KCNH1: variants seen among roughly 807,000 people sequenced by gnomAD.
The protein encoded by KCNH1 is potassium voltage-gated channel subfamily H member 1, also known as voltage-gated delayed rectifier potassium channel KCNH1.
KCNH1 carries 27 observed loss-of-function variants against 69.2 expected under a neutral mutation model. The observed-to-expected ratio is 0.39, with a 90% CI of 0.29 to 0.54. The LOEUF (loss-of-function observed/expected upper bound fraction) is 0.54, where lower values mean the gene tolerates loss of function less well. Among genes scored for constraint, KCNH1 ranks in the 20% least tolerant of loss-of-function variants. The probability of loss-of-function intolerance (pLI) is 0.68; values close to 1 mark genes in which losing one functional copy is unlikely to be tolerated. For missense variants in KCNH1, 798 were observed against 1,261.6 expected, an observed-to-expected ratio of 0.63 and a Z score of 5.57; for synonymous variants, 456 against 487.7, an observed-to-expected ratio of 0.93 and a Z score of 0.86.
intron 5 of KCNH1, among the ~76,000 whole-genome samples, chr1:211,073,389 A>G (rs144360498): frequency 6.6e-6 from 1 of 152,334 alleles, no homozygotes; most frequent in African/African-American, 2.4e-5. Context: ...ATGAACATGT[A>G]GAGACTACTT....
intron 7 of KCNH1, among the ~76,000 whole-genome samples, chr1:210,830,147 C>T (rs1408422310): frequency 6.6e-6 from 1 of 152,096 alleles, no homozygotes; most frequent in Admixed American, 6.6e-5. Flanking sequence ...TTCCCTTAAC[C>T]ATCTCAAGCT....
intron 7 of KCNH1, chr1:210,860,751 G>A: frequency 1.3e-6 from 1 of 791,672 alleles, no homozygotes; most frequent in East Asian, 2.4e-5. Flanking sequence ...TCACAGGCAT[G>A]TCTCTGTCAT....
intron 5 of KCNH1, among the ~76,000 whole-genome samples, chr1:211,038,089 A>G (rs936858694): frequency 3.6e-4 from 55 of 151,114 alleles, no homozygotes; most frequent in Non-Finnish European, 2.1e-4. Context: ...CCTCCCGAGT[A>G]GCTGGGGCTA....
rs147959154 is a variant in KCNH1, at chr1:211,052,959, C to T, written c.558+29821G>A. ...TGGCTGAAAGCTGTACTCTCAGGCA[C>T]GTAAGGAAAGCATCCTCTAGATTTA... On this transcript the variant is annotated intron_variant, in intron 5 of 10. Coordinates refer to ENST00000271751, the MANE Select transcript of KCNH1 (RefSeq NM_172362.3). Among the ~76,000 whole-genome samples the T allele has an allele frequency of 1.6e-3, 240 of 152,276 alleles. 1 individual carries two copies. Among genetic ancestry groups the T allele is most frequent in the African/African-American group, 4.2e-3 (174 of 41,558 alleles).
At chr1:210,878,361 C>T (rs1233667309) in intron 7 of KCNH1, among the ~76,000 whole-genome samples, 2 of 151,956 alleles carry the variant, frequency 1.3e-5, no homozygotes, top group Non-Finnish European at 2.9e-5. Flanking sequence ...CTCAAGCTCA[C>T]ATGGAACATT....
At chr1:210,916,182 G>T (rs1875437) in intron 7 of KCNH1, among the ~76,000 whole-genome samples, 1 of 152,048 alleles carries the variant, frequency 6.6e-6, no homozygotes, top group African/African-American at 2.4e-5. Flanking sequence ...GGGCAAAAAA[G>T]GGTAAAAGAG....
At chr1:211,099,305 G>GTT (rs900204868) in intron 3 of KCNH1, among the ~76,000 whole-genome samples, 1 of 150,560 alleles carries the variant, frequency 6.6e-6, no homozygotes, top group Admixed American at 6.6e-5. Context: ...TCTGTTGGGT[G>GTT]TTTTTTTTTC....
At chr1:210,990,075 C>T (rs1688910469) in intron 6 of KCNH1, among the ~76,000 whole-genome samples, 2 of 152,310 alleles carry the variant, frequency 1.3e-5, no homozygotes, top group Middle Eastern at 3.4e-3. Flanking sequence ...ACATATCTCC[C>T]CCACCACATC....
intron 10 of KCNH1, among the ~76,000 whole-genome samples, chr1:210,721,247 G>T (rs978203055): frequency 6.6e-6 from 1 of 152,012 alleles, no homozygotes; most frequent in African/African-American, 2.4e-5. Flanking sequence ...GAGAATAAAG[G>T]TTCCTACAGT....
intron 7 of KCNH1, among the ~76,000 whole-genome samples, chr1:210,813,983 T>C (rs1684762529): frequency 6.6e-6 from 1 of 152,218 alleles, no homozygotes; most frequent in Non-Finnish European, 1.5e-5. Flanking sequence ...TCCACCATGA[T>C]TGTGAGGCCT....
At chr1:210,955,307 T>G (rs2102350148) in intron 6 of KCNH1, among the ~76,000 whole-genome samples, 1 of 152,346 alleles carries the variant, frequency 6.6e-6, no homozygotes, top group Non-Finnish European at 1.5e-5. Flanking sequence ...TACTGTAGCC[T>G]TGTAGTGTAG....
intron 3 of KCNH1, among the ~76,000 whole-genome samples, chr1:211,091,712 T>C (rs1204532935): frequency 6.6e-6 from 1 of 152,154 alleles, no homozygotes; most frequent in African/African-American, 2.4e-5. Context: ...AAACGAGTTC[T>C]TCCTAAGCAC....
rs985963869 is a variant in KCNH1, at chr1:210,813,657, C to A, written c.1463-9491G>T. ...GATAGTGTTTATATTGGCATGGCAACTGGCAACTAACTTTTAAATTATTTC... is the reference window on the plus strand; with the variant it reads ...GATAGTGTTTATATTGGCATGGCAAATGGCAACTAACTTTTAAATTATTTC... On this transcript the variant is annotated intron_variant, in intron 7 of 10. Coordinates refer to ENST00000271751, the MANE Select transcript of KCNH1 (RefSeq NM_172362.3). Among the ~76,000 whole-genome samples, 3 of 152,310 alleles carry A rather than the reference C, an allele frequency of 2.0e-5. No homozygotes were observed. The South Asian group carries it at 6.2e-4, about 32-fold the overall frequency.
At chr1:211,034,812 A>G (rs147852235) in intron 5 of KCNH1, among the ~76,000 whole-genome samples, 33 of 152,322 alleles carry the variant, frequency 2.2e-4, no homozygotes, top group Middle Eastern at 3.4e-3. Flanking sequence ...ACTATTCAGC[A>G]AGAACTCAAA....
chr1:210,949,604 C>A (rs1276319504), intron 6 of KCNH1, among the ~76,000 whole-genome samples: 1 of 152,206 alleles, frequency 6.6e-6, no homozygotes, highest in Non-Finnish European at 1.5e-5. Context: ...CAGGTCCTGG[C>A]TCCTCTTAGA....
chr1:211,071,778 T>C (rs1200805151), intron 5 of KCNH1, among the ~76,000 whole-genome samples: 1 of 152,190 alleles, frequency 6.6e-6, no homozygotes, highest in Non-Finnish European at 1.5e-5. Flanking sequence ...CTCCAAAAAA[T>C]TTTCAGTATA....
At chr1:211,001,644 C>T (rs886941562) in intron 6 of KCNH1, among the ~76,000 whole-genome samples, 55 of 152,116 alleles carry the variant, frequency 3.6e-4, no homozygotes, top group African/African-American at 1.3e-3. Flanking sequence ...TACCATTAGA[C>T]CCAGCCATCC....
At chr1:210,739,352 G>A (rs145566544) in intron 10 of KCNH1, among the ~76,000 whole-genome samples, 36 of 152,332 alleles carry the variant, frequency 2.4e-4, no homozygotes, top group African/African-American at 8.2e-4. Flanking sequence ...AGTAGGGTCA[G>A]TTATCTTGCT....
rs1387980426 is a variant in KCNH1, at chr1:210,806,824, A to ATATATATATATATAT, written c.1463-2659_1463-2658insATATATATATATATA. Reference sequence around the variant, plus strand: ...ATCTCTACCAAAAAAAAAAAAAAAAAAAAAAAAAAAAAATATATATATATA... The same window carrying ATATATATATATATAT: ...ATCTCTACCAAAAAAAAAAAAAAAAATATATATATATATATAAAAAAAAAAAAATATATATATATA... On this transcript the variant is annotated intron_variant, in intron 7 of 10. Coordinates refer to ENST00000271751, the MANE Select transcript of KCNH1 (RefSeq NM_172362.3). Among the ~76,000 whole-genome samples, 111 of 44,886 alleles carry ATATATATATATATAT rather than the reference A, an allele frequency of 2.5e-3. 1 individual carries two copies. Among genetic ancestry groups the ATATATATATATATAT allele is most frequent in the Non-Finnish European group, 3.8e-3 (78 of 20,626 alleles). 29.4% of individuals were successfully genotyped at this position (44,886 alleles called of 152,430 possible).
Sources: allele counts gnomAD v4.1 joint callset (sites outside exome capture counted in the v4.1 genomes callset), GRCh38; gene constraint gnomAD v4.1.1; transcripts MANE v1.5; gene names NCBI Gene and HGNC (gene_info 2026-07-23, HGNC 2026-07-21).